Variants in WWOX observed in about 807,000 individuals in gnomAD.
WWOX encodes WW domain-containing oxidoreductase.
Under a neutral mutation model 46.2 loss-of-function variants are expected in WWOX, and 69 were observed. That is an observed-to-expected ratio of 1.49 (90% CI 1.23 to 1.82). The LOEUF is 1.82. Ranked by LOEUF, WWOX falls within the 40% of genes most tolerant of loss-of-function variation. The pLI is 0.00. For synonymous variants in WWOX, 359 were observed against 202.6 expected (o/e 1.77, Z -6.56); for missense variants, 919 against 542.6 (o/e 1.69, Z -6.89).
At chr16:78,463,381 G>A (rs1258929513) in intron 8 of WWOX, among the ~76,000 whole-genome samples, 3 of 152,158 alleles carry the variant, frequency 2.0e-5, no homozygotes, top group African/African-American at 4.8e-5. Flanking sequence ...GAAACCTAGG[G>A]TGTCCAACTG....
chr16:78,242,138 G>A (rs892109417), intron 5 of WWOX, among the ~76,000 whole-genome samples: 3 of 152,136 alleles, frequency 2.0e-5, no homozygotes, highest in African/African-American at 7.2e-5. Flanking sequence ...TGGTAACTTT[G>A]TCTGCTTCTG....
intron 5 of WWOX, among the ~76,000 whole-genome samples, chr16:78,371,397 G>C (rs938875591): frequency 1.3e-5 from 2 of 152,080 alleles, no homozygotes; most frequent in African/African-American, 4.8e-5. Flanking sequence ...TTTGTGATCT[G>C]GCTCATGGTT....
At position 78,350,845 on chromosome 16, in the gene WWOX, C is replaced by A. The variant is rs143846647; in HGVS notation, c.517-36015C>A. On this transcript the variant is annotated intron_variant, in intron 5 of 8. Transcript: ENST00000566780. The stretch of plus-strand genomic sequence containing the variant: ...TGCAATTTCTGGATCACGTGGAACT[C>A]CTTGTTTAACCTTTTGAGGAGCCAC... Among the ~76,000 whole-genome samples the A allele has an allele frequency of 1.7e-5, 2 of 120,398 alleles. 1 individual carries two copies. Among genetic ancestry groups the A allele is most frequent in the Non-Finnish European group, 4.0e-5 (2 of 50,460 alleles). 79.0% of individuals were successfully genotyped at this position (120,398 alleles called of 152,430 possible).
chr16:79,168,442 A>G (rs377367605), intron 8 of WWOX, among the ~76,000 whole-genome samples: 4 of 152,164 alleles, frequency 2.6e-5, no homozygotes, highest in Non-Finnish European at 2.9e-5. Context: ...TCAGGTAACT[A>G]TAATCAACCC....
At chr16:79,145,062 C>G (rs1416520466) in intron 8 of WWOX, among the ~76,000 whole-genome samples, 2 of 152,272 alleles carry the variant, frequency 1.3e-5, no homozygotes, top group East Asian at 3.9e-4. Context: ...TGAGCGCGTT[C>G]TTGGATTTTG....
At chr16:78,353,821 GCCTGGGCTTGGGTGGCGTTCGCTTTAC>G (rs1356031190) in intron 5 of WWOX, among the ~76,000 whole-genome samples, 2 of 152,208 alleles carry the variant, frequency 1.3e-5, no homozygotes, top group African/African-American at 4.8e-5. Flanking sequence ...AAGTTGCACA[GCCTGGGCTTGGGTGGCGTTCGCTTTAC>G]CCTTGCCCTT....
chr16:78,707,035 G>A (rs75113597), intron 8 of WWOX, among the ~76,000 whole-genome samples: 2,010 of 152,270 alleles, frequency 0.013, 46 homozygotes, highest in African/African-American at 0.047. Flanking sequence ...GTAAACCATG[G>A]AATATTTTAA....
chr16:78,108,399 T>G (rs1597207726), intron 1 of WWOX, 24 bp from the exon 2 acceptor site: 1 of 1,606,708 alleles, frequency 6.2e-7, no homozygotes, highest in Non-Finnish European at 8.5e-7. Context: ...TACTTATTAC[T>G]GTGGATTTTT....
chr16:78,448,029 C>G (rs1254370979), intron 8 of WWOX, among the ~76,000 whole-genome samples: 1 of 152,118 alleles, frequency 6.6e-6, no homozygotes, highest in African/African-American at 2.4e-5. Flanking sequence ...GTCTTGAACT[C>G]CTGACCTCAA....
chr16:78,817,919 A>G (rs998975822), intron 8 of WWOX, among the ~76,000 whole-genome samples: 3 of 152,148 alleles, frequency 2.0e-5, no homozygotes, highest in Non-Finnish European at 2.9e-5. Context: ...TCCAGGAAGG[A>G]GACTCTGAGT....
chr16:78,692,387 T>A (rs2048009715), intron 8 of WWOX, among the ~76,000 whole-genome samples: 1 of 152,210 alleles, frequency 6.6e-6, no homozygotes, highest in South Asian at 2.1e-4. Context: ...CTTACCAAAG[T>A]GTACATTGCC....
At position 79,150,230 on chromosome 16, in the gene WWOX, C is replaced by T. The variant is rs146691982; in HGVS notation, c.1057-61378C>T. Among the ~76,000 whole-genome samples, 365 of 152,294 alleles carry T rather than the reference C, an allele frequency of 2.4e-3. 2 individuals are homozygous for T. The highest frequency in any genetic ancestry group is 8.6e-3 in the African/African-American group (356 of 41,564). ...TTTCCCAAACCATAGATTCATGGAA[C>T]TGTCAAAGAGCAGCACTGAACTTTG... On this transcript the variant is annotated intron_variant, in intron 8 of 8. Transcript: ENST00000566780.
chr16:79,158,041 T>C (rs1280322065), intron 8 of WWOX, among the ~76,000 whole-genome samples: 1 of 152,162 alleles, frequency 6.6e-6, no homozygotes, highest in Non-Finnish European at 1.5e-5. Context: ...GTGAGTTGTT[T>C]GCTGCCTCTA....
At chr16:78,859,048 AT>A (rs2052651569) in intron 8 of WWOX, among the ~76,000 whole-genome samples, 1 of 24,920 alleles carries the variant, frequency 4.0e-5, no homozygotes, top group Non-Finnish European at 9.9e-5. Flanking sequence ...ATATATATAT[AT>A]GTATATATAT....
intron 8 of WWOX, among the ~76,000 whole-genome samples, chr16:78,785,411 A>C (rs1372201609): frequency 1.3e-5 from 2 of 152,226 alleles, no homozygotes; most frequent in African/African-American, 2.4e-5. Context: ...ACTCTGCAAC[A>C]CACATCGGCA....
At chr16:79,048,532 T>G (rs1346528500) in intron 8 of WWOX, among the ~76,000 whole-genome samples, 7 of 152,100 alleles carry the variant, frequency 4.6e-5, no homozygotes, top group South Asian at 2.1e-4. Context: ...TATATAAAAA[T>G]TTGGTATCAA....
chr16:78,216,320 C>G (rs1413388478), intron 5 of WWOX, among the ~76,000 whole-genome samples: 1 of 152,082 alleles, frequency 6.6e-6, no homozygotes, highest in Non-Finnish European at 1.5e-5. Context: ...GTTAGAAAAC[C>G]AGTGGACTGA....
At chr16:79,008,699 C>G (rs1224046788) in intron 8 of WWOX, among the ~76,000 whole-genome samples, 2 of 152,202 alleles carry the variant, frequency 1.3e-5, no homozygotes, top group African/African-American at 4.8e-5. Flanking sequence ...TCCCTTCACT[C>G]CCTCCAGCAC....
chr16:79,196,706 C>T (rs1567611003), intron 8 of WWOX, among the ~76,000 whole-genome samples: 1 of 152,102 alleles, frequency 6.6e-6, no homozygotes, highest in Admixed American at 6.6e-5. Flanking sequence ...ATCCTGTCTC[C>T]CCCAATGAGA....
Sources: allele counts gnomAD v4.1 joint callset (sites outside exome capture counted in the v4.1 genomes callset), GRCh38; gene constraint gnomAD v4.1.1; transcripts MANE v1.5; gene names NCBI Gene and HGNC (gene_info 2026-07-23, HGNC 2026-07-21).